Variants in SOX5 observed in about 807,000 individuals in gnomAD.
The protein encoded by SOX5 is SRY-box transcription factor 5.
A neutral mutation model predicts 92.0 loss-of-function variants in SOX5; 9 were observed. The observed-to-expected ratio is 0.10, with a 90% confidence interval of 0.06 to 0.17. SOX5 has a LOEUF of 0.17. Ranked by LOEUF, SOX5 falls within the 10% of genes least tolerant of loss-of-function variation. SOX5 has a pLI of 1.00. For missense variants in SOX5, 642 were observed against 944.5 expected (o/e 0.68, Z 4.20); for synonymous variants, 344 against 336.3 (o/e 1.02, Z -0.25).
At chr12:24,323,923 T>C (rs1950438759) in intron 2 of SOX5, among the ~76,000 whole-genome samples, 1 of 152,046 alleles carries the variant, frequency 6.6e-6, no homozygotes, top group Admixed American at 6.6e-5. Context: ...TTGGGGAAAA[T>C]GTTCAATTAA....
intron 1 of SOX5, among the ~76,000 whole-genome samples, chr12:24,499,716 CA>C (rs1336191894): frequency 2.0e-5 from 3 of 150,002 alleles, no homozygotes; most frequent in Non-Finnish European, 4.4e-5. Flanking sequence ...ATGCTAATAA[CA>C]CTTTAAAGTC....
intron 3 of SOX5, among the ~76,000 whole-genome samples, chr12:23,789,353 G>A (rs117301012): frequency 3.4e-4 from 52 of 152,026 alleles, no homozygotes; most frequent in Non-Finnish European, 6.0e-4. Context: ...AGGAACATGC[G>A]TTTTTTTCCC....
chr12:23,534,125 G>T lies in SOX5; in HGVS notation c.*94C>A. On this transcript the variant is annotated 3_prime_UTR_variant, in exon 15 of 15. Coordinates refer to ENST00000451604, the MANE Select transcript of SOX5 (RefSeq NM_006940.6). ...AGACTAACAGTTAAAGTAACAGTCA[G>T]TGTATGAGAAAGTTAATGTGCTTGG... 1 of 980,716 alleles carries T rather than the reference G, an allele frequency of 1.0e-6. No homozygotes were observed. Among genetic ancestry groups the T allele is most frequent in the Non-Finnish European group, 1.6e-6 (1 of 634,952 alleles). 60.8% of individuals were successfully genotyped at this position (980,716 alleles called of 1,614,324 possible).
chr12:24,494,382 A>G (rs1420234487), intron 1 of SOX5, among the ~76,000 whole-genome samples: 1 of 152,250 alleles, frequency 6.6e-6, no homozygotes, highest in Non-Finnish European at 1.5e-5. Context: ...CAAAAAGGAC[A>G]GCAAATAATA....
upstream of SOX5, chr12:23,951,134 G>T: frequency 2.2e-6 from 1 of 451,924 alleles, no homozygotes; most frequent in Non-Finnish European, 4.0e-6. Flanking sequence ...CAGGTCAGTT[G>T]ATTAGATTTT....
intron 2 of SOX5, among the ~76,000 whole-genome samples, chr12:24,320,636 C>T (rs1157308522): frequency 3.3e-5 from 5 of 151,938 alleles, no homozygotes; most frequent in Admixed American, 2.0e-4. Context: ...GAGGCCGAGG[C>T]GGGGAGATCA....
intron 4 of SOX5, among the ~76,000 whole-genome samples, chr12:24,026,585 A>G (rs1954905269): frequency 1.6e-5 from 2 of 123,320 alleles, no homozygotes; most frequent in South Asian, 7.0e-4. Context: ...CCCTGTCTCT[A>G]TGGGAAAAAA....
chr12:23,819,130 G>A (rs1453367549), intron 3 of SOX5, among the ~76,000 whole-genome samples: 1 of 152,188 alleles, frequency 6.6e-6, no homozygotes, highest in Non-Finnish European at 1.5e-5. Context: ...GTACATAACT[G>A]TATGTGCTAT....
At chr12:24,326,693 A>G (rs1055814884) in intron 2 of SOX5, among the ~76,000 whole-genome samples, 23 of 151,982 alleles carry the variant, frequency 1.5e-4, no homozygotes, top group African/African-American at 5.5e-4. Context: ...GTGGCATCCT[A>G]AATTTCACTT....
At chr12:24,061,754 A>C (rs1056030631) in intron 4 of SOX5, among the ~76,000 whole-genome samples, 7 of 122,640 alleles carry the variant, frequency 5.7e-5, no homozygotes, top group African/African-American at 1.1e-4. Context: ...GAAAAAAAAA[A>C]AAAAAAAAAC....
chr12:23,907,200 G>A (rs1338752992), intron 1 of SOX5, among the ~76,000 whole-genome samples: 2 of 152,056 alleles, frequency 1.3e-5, no homozygotes, highest in African/African-American at 2.4e-5. Context: ...GTGTGCACAC[G>A]TGCGTGCAGA....
At chr12:23,712,584 A>C (rs2092153216) in intron 6 of SOX5, among the ~76,000 whole-genome samples, 1 of 152,214 alleles carries the variant, frequency 6.6e-6, no homozygotes, top group African/African-American at 2.4e-5. Context: ...AAATGAAGAA[A>C]GTAGACCTCA....
chr12:23,983,468 C>T (rs1949785987), intron 4 of SOX5, among the ~76,000 whole-genome samples: 1 of 152,126 alleles, frequency 6.6e-6, no homozygotes, highest in Non-Finnish European at 1.5e-5. Context: ...CACAGGAGGT[C>T]TCATGAGCAG....
chr12:23,546,436 T>A lies in SOX5; in HGVS notation c.1489-12A>T, dbSNP rs1220453168. ...AGTGTTGTTTTTTCCTTTAAAAAAATTATAATGAGAGATCAGTCTAGGAAT... is the reference window on the plus strand; with the variant it reads ...AGTGTTGTTTTTTCCTTTAAAAAAAATATAATGAGAGATCAGTCTAGGAAT... On this transcript the variant is annotated splice_polypyrimidine_tract_variant and intron_variant, in intron 11 of 14. Transcript: ENST00000451604. 1.4e-6 allele frequency: 2 copies of A among 1,423,600 alleles called. No individual in the cohort carries two copies. Among genetic ancestry groups the A allele is most frequent in the Non-Finnish European group, 2.0e-6 (2 of 1,011,620 alleles). The allele number at this position is 1,423,600 out of a possible 1,614,324, so 88.2% of individuals were successfully genotyped here.
intron 4 of SOX5, among the ~76,000 whole-genome samples, chr12:24,092,084 T>C (rs1944724358): frequency 6.6e-6 from 1 of 152,196 alleles, no homozygotes; most frequent in Admixed American, 6.5e-5. Flanking sequence ...GAACTCCTTA[T>C]ACTTTTAAAA....
intron 1 of SOX5, among the ~76,000 whole-genome samples, chr12:24,406,683 A>G (rs1158926728): frequency 6.6e-6 from 1 of 152,194 alleles, no homozygotes; most frequent in Non-Finnish European, 1.5e-5. Context: ...GGACATAAAC[A>G]TTTCTGAATG....
chr12:24,545,851 G>T (rs757277658), intron 1 of SOX5, among the ~76,000 whole-genome samples: 1 of 152,126 alleles, frequency 6.6e-6, no homozygotes, highest in Non-Finnish European at 1.5e-5. Context: ...TAAAGGCCTG[G>T]CTCTGGGTCT....
chr12:24,307,066 C>A (rs768297637), intron 2 of SOX5, among the ~76,000 whole-genome samples: 1 of 152,060 alleles, frequency 6.6e-6, no homozygotes, highest in Non-Finnish European at 1.5e-5. Flanking sequence ...AACCCCATCT[C>A]TACAAAAATT....
intron 4 of SOX5, among the ~76,000 whole-genome samples, chr12:24,043,254 T>G (rs1956684427): frequency 6.6e-6 from 1 of 152,154 alleles, no homozygotes; most frequent in Non-Finnish European, 1.5e-5. Context: ...AGCAGAGAGG[T>G]AAAAAGGTCA....
Sources: allele counts gnomAD v4.1 joint callset (sites outside exome capture counted in the v4.1 genomes callset), GRCh38; gene constraint gnomAD v4.1.1; transcripts MANE v1.5; gene names NCBI Gene and HGNC (gene_info 2026-07-23, HGNC 2026-07-21).